SLC9D1: variants seen among roughly 807,000 people sequenced by gnomAD.
The protein encoded by SLC9D1 is putative LAG1-interacting protein.
the SLC9D1 span, chr13:113,501,715 T>C: frequency 1.3e-6 from 2 of 1,575,148 alleles, no homozygotes; most frequent in East Asian, 2.2e-5. Flanking sequence ...ACCACTGTTA[T>C]CTTATACTTC....
chr13:113,510,079 T>C, the SLC9D1 span, among the ~76,000 whole-genome samples: 2 of 152,202 alleles, frequency 1.3e-5, no homozygotes, highest in Non-Finnish European at 2.9e-5. Flanking sequence ...GAGGAAGCCC[T>C]GTGTGAGGAT....
the SLC9D1 span, chr13:113,549,992 C>T: frequency 1.7e-5 from 5 of 287,164 alleles, no homozygotes; most frequent in East Asian, 2.5e-4. Flanking sequence ...TAATCCTGGC[C>T]GTGAGCTTGG....
chr13:113,535,750 G>A, the SLC9D1 span, among the ~76,000 whole-genome samples: 12 of 152,170 alleles, frequency 7.9e-5, no homozygotes, highest in Non-Finnish European at 1.8e-4. This position sits in a 1 kb window ranked among gnomAD's most constrained non-coding sequence, Gnocchi z 4.1. Flanking sequence ...GGAAAGGCTC[G>A]TGGTTCCCAG....
the SLC9D1 span, among the ~76,000 whole-genome samples, chr13:113,519,051 T>G: frequency 1.1e-4 from 17 of 151,854 alleles, no homozygotes; most frequent in African/African-American, 3.9e-4. Flanking sequence ...TAGCTTTTTT[T>G]TTTTTTTTTG....
At chr13:113,539,500 C>T in the SLC9D1 span, 2 of 1,612,036 alleles carry the variant, frequency 1.2e-6, no homozygotes, top group African/African-American at 1.3e-5. The surrounding 1 kb of genome is among the most constrained non-coding windows in gnomAD (Gnocchi z 4.8). Flanking sequence ...TTTTCTTCGC[C>T]TCCATAGGTA....
chr13:113,512,739 C>T, the SLC9D1 span, among the ~76,000 whole-genome samples: 6 of 101,832 alleles, frequency 5.9e-5, no homozygotes, highest in South Asian at 3.7e-4. Flanking sequence ...GGAGTGTAGA[C>T]GGAGAGAGTC....
At chr13:113,543,280 A>C in the SLC9D1 span, among the ~76,000 whole-genome samples, 10 of 1,032 alleles carry the variant, frequency 9.7e-3, no homozygotes, top group East Asian at 0.023. Context: ...CCCTGCCCCC[A>C]CTCTGTCCGT....
the SLC9D1 span, chr13:113,500,226 C>T: frequency 2.2e-6 from 2 of 929,368 alleles, no homozygotes; most frequent in East Asian, 2.9e-5. Flanking sequence ...GCTTTATCTT[C>T]TGAACAAGGC....
At chr13:113,537,117 A>T in the SLC9D1 span, among the ~76,000 whole-genome samples, 14 of 152,214 alleles carry the variant, frequency 9.2e-5, no homozygotes, top group African/African-American at 3.4e-4. Context: ...GTTATTCTGT[A>T]GGGTGAGGAT....
chr13:113,508,089 G>A, the SLC9D1 span, among the ~76,000 whole-genome samples: 6 of 152,364 alleles, frequency 3.9e-5, no homozygotes, highest in East Asian at 5.8e-4. Flanking sequence ...TCCTGGTGCC[G>A]TTTCCCACTG....
At chr13:113,502,645 C>T in the SLC9D1 span, among the ~76,000 whole-genome samples, 9 of 152,288 alleles carry the variant, frequency 5.9e-5, no homozygotes, top group African/African-American at 2.2e-4. Flanking sequence ...GGAAAGGTTC[C>T]CAAGCTTCCA....
chr13:113,504,044 A>G, the SLC9D1 span: 28,677 of 156,232 alleles, frequency 0.18, 3,489 homozygotes, highest in African/African-American at 0.35. Context: ...GAGAGGTAAA[A>G]TGAACACTGT....
the SLC9D1 span, chr13:113,527,287 A>ATG: frequency 6.6e-6 from 1 of 152,100 alleles, no homozygotes; most frequent in African/African-American, 2.4e-5. Flanking sequence ...TTCCCTTCTG[A>ATG]TGTTCCCATC....
the SLC9D1 span, among the ~76,000 whole-genome samples, chr13:113,506,331 GGGTAAGGGGGTGT>G: frequency 3.6e-4 from 44 of 123,070 alleles, 3 homozygotes; most frequent in African/African-American, 1.7e-3. Context: ...TGGGTGGGGA[GGGTAAGGGGGTGT>G]CAGCCAGTGG....
At chr13:113,527,430 G>A in the SLC9D1 span, 3 of 152,110 alleles carry the variant, frequency 2.0e-5, no homozygotes, top group African/African-American at 4.8e-5. Context: ...TCACTCCGAG[G>A]GCATCTCACG....
chr13:113,549,956 T>G, the SLC9D1 span: 20 of 399,002 alleles, frequency 5.0e-5, no homozygotes, highest in African/African-American at 3.8e-4. Flanking sequence ...ATATTTGTTA[T>G]TAAACATTTC....
chr13:113,500,028 C>T, the SLC9D1 span: 2 of 1,592,688 alleles, frequency 1.3e-6, no homozygotes, highest in Non-Finnish European at 1.7e-6. Flanking sequence ...CAAAATATAA[C>T]AAAACGAGAA....
chr13:113,532,844 G>A, the SLC9D1 span, among the ~76,000 whole-genome samples: 2 of 126,030 alleles, frequency 1.6e-5, no homozygotes, highest in Admixed American at 7.9e-5. Flanking sequence ...TCCTGAAGTC[G>A]CAGACGTGGG....
chr13:113,520,723 G>A, the SLC9D1 span: 257,268 of 1,608,554 alleles, frequency 0.16, 23,252 homozygotes, highest in Admixed American at 0.37. Context: ...GGGCGCCAGT[G>A]CATCTTCTAG....
Sources: allele counts gnomAD v4.1 joint callset (sites outside exome capture counted in the v4.1 genomes callset), GRCh38; gene constraint gnomAD v4.1.1; non-coding constraint Gnocchi (gnomAD v3.1); transcripts MANE v1.5; gene names NCBI Gene and HGNC (gene_info 2026-07-23, HGNC 2026-07-21).